MAML3: variants seen among roughly 807,000 people sequenced by gnomAD.
MAML3 encodes mastermind like transcriptional coactivator 3, also known as mastermind-like protein 3.
MAML3 carries 27 observed loss-of-function variants against 101.9 expected under a neutral mutation model. The observed-to-expected ratio is 0.27, with a 90% CI of 0.20 to 0.37. MAML3 has a LOEUF of 0.37. MAML3 is among the 10% of genes least tolerant of loss of function. The probability of loss-of-function intolerance (pLI) is 1.00; values close to 1 mark genes in which losing one functional copy is unlikely to be tolerated. For synonymous variants in MAML3, 501 were observed against 555.9 expected, an observed-to-expected ratio of 0.90 and a Z score of 1.39; for missense variants, 1,316 against 1,444.9, an observed-to-expected ratio of 0.91 and a Z score of 1.45.
chr4:139,873,169 C>T (rs757296161), intron 2 of MAML3, among the ~76,000 whole-genome samples: 31 of 152,118 alleles, frequency 2.0e-4, no homozygotes, highest in Non-Finnish European at 1.5e-4. Context: ...CACATTTGAC[C>T]ACAGAATGTT....
At chr4:140,152,306 A>G (rs1729187419) in intron 1 of MAML3, among the ~76,000 whole-genome samples, 2 of 152,158 alleles carry the variant, frequency 1.3e-5, no homozygotes, top group Non-Finnish European at 2.9e-5. Context: ...TGAGCTGGGG[A>G]GAGGAGGCGA....
chr4:139,854,795 C>A (rs184427138), intron 2 of MAML3, among the ~76,000 whole-genome samples: 10 of 152,254 alleles, frequency 6.6e-5, no homozygotes, highest in African/African-American at 1.9e-4. Context: ...GTGGTGGGGA[C>A]TCAGGTCATC....
intron 1 of MAML3, among the ~76,000 whole-genome samples, chr4:140,074,205 GAAAGAA>G: frequency 8.3e-6 from 1 of 120,072 alleles, no homozygotes; most frequent in South Asian, 3.0e-4. Context: ...GAAAGAGAAA[GAAAGAA>G]AGAAAGAAAG....
At chr4:139,968,321 A>G (rs1734175867) in intron 1 of MAML3, among the ~76,000 whole-genome samples, 2 of 151,058 alleles carry the variant, frequency 1.3e-5, no homozygotes, top group South Asian at 4.2e-4. Flanking sequence ...AAAAAAAAAA[A>G]AAAAAGAAAA....
At chr4:139,872,531 G>A (rs1247283610) in intron 2 of MAML3, among the ~76,000 whole-genome samples, 1 of 152,172 alleles carries the variant, frequency 6.6e-6, no homozygotes, top group Non-Finnish European at 1.5e-5. Flanking sequence ...GTGACTAACT[G>A]TAACCAGGTT....
At chr4:140,004,328 C>T (rs2110849046) in intron 1 of MAML3, among the ~76,000 whole-genome samples, 1 of 152,240 alleles carries the variant, frequency 6.6e-6, no homozygotes, top group African/African-American at 2.4e-5. Flanking sequence ...TACCCCCACT[C>T]CCCTAGCACC....
At chr4:139,825,505 G>A (rs1305924357) in intron 2 of MAML3, among the ~76,000 whole-genome samples, 1 of 152,106 alleles carries the variant, frequency 6.6e-6, no homozygotes, top group Non-Finnish European at 1.5e-5. Context: ...GAATCTGGGA[G>A]GCCAGATTCC....
chr4:139,794,846 G>C (rs551922439), intron 2 of MAML3, among the ~76,000 whole-genome samples: 2 of 152,278 alleles, frequency 1.3e-5, no homozygotes, highest in Non-Finnish European at 2.9e-5. Flanking sequence ...TCTTCGTACT[G>C]CTTAACAGAC....
At chr4:139,779,723 T>A (rs538243946) in intron 2 of MAML3, among the ~76,000 whole-genome samples, 1 of 152,336 alleles carries the variant, frequency 6.6e-6, no homozygotes, top group Non-Finnish European at 1.5e-5. Context: ...GGGCTGTCAC[T>A]TTGGTGATTT....
intron 1 of MAML3, among the ~76,000 whole-genome samples, chr4:139,961,335 T>C (rs1162103516): frequency 6.6e-6 from 1 of 152,258 alleles, no homozygotes; most frequent in African/African-American, 2.4e-5. Flanking sequence ...AAATTATTCC[T>C]ACTTTTCCAC....
At chr4:139,923,618 T>TTGTG (rs3079902) in intron 1 of MAML3, among the ~76,000 whole-genome samples, 43,320 of 150,312 alleles carry the variant, frequency 0.29, 7,199 homozygotes, top group East Asian at 0.6. Flanking sequence ...GGGGTAGTCT[T>TTGTG]TGTGTGTGTG....
chr4:139,731,103 A>G (rs987460253), intron 2 of MAML3: 15 of 167,290 alleles, frequency 9.0e-5, no homozygotes, highest in Admixed American at 2.3e-4. Context: ...CTTCTTTGCA[A>G]GTAGGAGGGA....
chr4:139,802,415 C>T (rs776771799), intron 2 of MAML3, among the ~76,000 whole-genome samples: 40 of 152,170 alleles, frequency 2.6e-4, no homozygotes, highest in African/African-American at 9.4e-4. Context: ...CCATGAGCAA[C>T]TCCTCCTTGC....
chr4:139,921,658 A>C (rs1187832280), intron 1 of MAML3, among the ~76,000 whole-genome samples: 1 of 151,944 alleles, frequency 6.6e-6, no homozygotes, highest in Non-Finnish European at 1.5e-5. Flanking sequence ...CCCTTCAGCA[A>C]ATCTAAAGAG....
chr4:140,068,471 A>C (rs1727576525), intron 1 of MAML3, among the ~76,000 whole-genome samples: 1 of 152,178 alleles, frequency 6.6e-6, no homozygotes, highest in South Asian at 2.1e-4. Flanking sequence ...CTACCTAGGC[A>C]CTTTTCAGAC....
At chr4:139,829,952 G>A (rs1209682620) in intron 2 of MAML3, among the ~76,000 whole-genome samples, 3 of 152,162 alleles carry the variant, frequency 2.0e-5, no homozygotes, top group East Asian at 1.9e-4. Context: ...TTAACGTAAC[G>A]AATAATGGAA....
At chr4:139,797,757 C>T (rs1405319072) in intron 2 of MAML3, among the ~76,000 whole-genome samples, 1 of 151,954 alleles carries the variant, frequency 6.6e-6, no homozygotes. Context: ...CCCCTGCACC[C>T]CCCAAAAAAG....
In MAML3 at chr4:139,783,687, C is replaced by G. The variant is rs569629015; in HGVS notation, c.2080-53020G>C. Reference sequence around the variant, plus strand: ...TTCTGACCATGCAAATCTGGGGATGCCCAAGAGAGGGCTCATTTGTCTTGT... The same window carrying G: ...TTCTGACCATGCAAATCTGGGGATGGCCAAGAGAGGGCTCATTTGTCTTGT... On this transcript the variant is annotated intron_variant, in intron 2 of 4. Coordinates refer to ENST00000509479, the MANE Select transcript of MAML3 (RefSeq NM_018717.5). Among the ~76,000 whole-genome samples the G allele has an allele frequency of 7.9e-5, 12 of 152,310 alleles. No individual in the cohort carries two copies. In the East Asian group the frequency reaches 2.1e-3, roughly 27 times the overall value.
Position 139,720,258 on chromosome 4 carries a change from G to C in MAML3, c.2482C>G (p.Leu828Val). ...AALQSMRTSR[L>V]MAQNAGMMGI... is the part of the protein sequence containing the mutation. ...ATCATGCCTGCGTTCTGTGCCATCA[G>C]CCGTGACGTTCGCATGCTCTGGAGG... The change falls in exon 5 of 5, where the codon CTG becomes GTG. Residue 828 changes from leucine (L) to valine (V), a missense_variant. Transcript: ENST00000509479. The C allele has an allele frequency of 1.9e-6, 3 of 1,596,272 alleles. No individual in the cohort carries two copies. The highest frequency in any genetic ancestry group is 2.6e-6 in the Non-Finnish European group (3 of 1,168,778).
Sources: gnomAD v4.1 joint callset for allele counts (sites outside exome capture counted in the v4.1 genomes callset) on GRCh38, gnomAD v4.1.1 for gene constraint, MANE v1.5 for transcripts, NCBI Gene and HGNC (gene_info 2026-07-23, HGNC 2026-07-21) for gene names.